VWA8: variants seen among roughly 807,000 people sequenced by gnomAD.
VWA8 encodes the protein von Willebrand factor A domain containing 8, also known as von Willebrand factor A domain-containing protein 8.
A neutral mutation model predicts 241.5 loss-of-function variants in VWA8; 221 were observed. The observed-to-expected ratio is 0.91, with a 90% CI of 0.82 to 1.02. The LOEUF is 1.02. Among genes scored for constraint, VWA8 ranks in the 50% least tolerant of loss-of-function variants. The pLI is 0.00. For synonymous variants in VWA8, 852 were observed against 827.1 expected (o/e 1.03, Z -0.52); for missense variants, 2,322 against 2,328.7 (o/e 1.00, Z 0.06).
In VWA8 at chr13:41,585,412, G is replaced by T. The variant is rs1372200185; in HGVS notation, c.5271+2100C>A. Among the ~76,000 whole-genome samples, 3 of 149,384 alleles carry T rather than the reference G, an allele frequency of 2.0e-5. No individual in the cohort carries two copies. In the East Asian group the frequency reaches 6.1e-4, roughly 30 times the overall value. Reference sequence around the variant, plus strand: ...ACCAATTTGTTGGTTAATTCCTAATGAATTTTCTTTCTAAAAACTTGGGAG... The same window carrying T: ...ACCAATTTGTTGGTTAATTCCTAATTAATTTTCTTTCTAAAAACTTGGGAG... On this transcript the variant is annotated intron_variant, in intron 42 of 44. Coordinates refer to ENST00000379310, the MANE Select transcript of VWA8 (RefSeq NM_015058.2).
intron 4 of VWA8, among the ~76,000 whole-genome samples, chr13:41,900,539 GTATC>G (rs1008927167): frequency 1.5e-4 from 23 of 152,268 alleles, no homozygotes; most frequent in African/African-American, 5.3e-4. Flanking sequence ...AAATCAAAAA[GTATC>G]TAAGTCCCTG....
intron 1 of VWA8, among the ~76,000 whole-genome samples, chr13:41,958,573 G>A (rs184147398): frequency 6.6e-6 from 1 of 152,222 alleles, no homozygotes; most frequent in Non-Finnish European, 1.5e-5. Context: ...TTTTACACTT[G>A]TCCATGTATG....
At chr13:41,895,171 T>C (rs1307092643) in intron 4 of VWA8, among the ~76,000 whole-genome samples, 1 of 152,042 alleles carries the variant, frequency 6.6e-6, no homozygotes, top group Non-Finnish European at 1.5e-5. Flanking sequence ...GCCTACAAGT[T>C]TATAACTGAT....
chr13:41,619,955 G>T (rs1032798154), intron 37 of VWA8, among the ~76,000 whole-genome samples: 2 of 152,122 alleles, frequency 1.3e-5, no homozygotes, highest in Non-Finnish European at 2.9e-5. Context: ...TCTCTGCCAG[G>T]CTTTGGTATC....
At chr13:41,841,282 A>G (rs1313047236) in intron 12 of VWA8, among the ~76,000 whole-genome samples, 2 of 152,218 alleles carry the variant, frequency 1.3e-5, no homozygotes, top group African/African-American at 2.4e-5. Flanking sequence ...TTAACTTCTA[A>G]TAAGTCTCAA....
intron 35 of VWA8, among the ~76,000 whole-genome samples, chr13:41,680,471 A>C (rs1414857000): frequency 2.0e-5 from 3 of 152,178 alleles, no homozygotes; most frequent in African/African-American, 7.2e-5. Context: ...CATTGTCCTA[A>C]GCACTTTATA....
intron 37 of VWA8, among the ~76,000 whole-genome samples, chr13:41,640,962 T>C (rs1025767905): frequency 2.6e-5 from 4 of 151,934 alleles, no homozygotes; most frequent in Non-Finnish European, 5.9e-5. Flanking sequence ...ACGAAGAGGA[T>C]GAGATAAAAA....
intron 37 of VWA8, among the ~76,000 whole-genome samples, chr13:41,623,983 G>T (rs2044673380): frequency 6.6e-6 from 1 of 151,986 alleles, no homozygotes; most frequent in South Asian, 2.1e-4. Flanking sequence ...AATGACAAAG[G>T]TGACATTACC....
rs550394799 is a variant in VWA8, at chr13:41,884,704, A to G, written c.976-1213T>C. Reference sequence around the variant, plus strand: ...CTTTTTTTTACATTTGAGAATTTTCAAAGTAAAATGTTCTAAGCAAAAACA... The same window carrying G: ...CTTTTTTTTACATTTGAGAATTTTCGAAGTAAAATGTTCTAAGCAAAAACA... On this transcript the variant is annotated intron_variant, in intron 8 of 44. Transcript: ENST00000379310. 1.3e-4 allele frequency among the ~76,000 whole-genome samples: 20 copies of G among 152,282 alleles called. No homozygotes were observed. In the South Asian group the frequency reaches 3.7e-3, roughly 28 times the overall value.
At chr13:41,641,551 T>C (rs2139681666) in intron 37 of VWA8, among the ~76,000 whole-genome samples, 1 of 152,268 alleles carries the variant, frequency 6.6e-6, no homozygotes, top group African/African-American at 2.4e-5. Context: ...TCCATATGTG[T>C]ACTGGCTCAG....
chr13:41,610,042 C>G (rs2044577522), intron 39 of VWA8, among the ~76,000 whole-genome samples: 1 of 152,158 alleles, frequency 6.6e-6, no homozygotes, highest in African/African-American at 2.4e-5. Flanking sequence ...ACCTTTCTGC[C>G]TCCCTGTGAA....
intron 2 of VWA8, among the ~76,000 whole-genome samples, chr13:41,921,300 A>G (rs983824485): frequency 6.6e-6 from 1 of 152,208 alleles, no homozygotes; most frequent in Non-Finnish European, 1.5e-5. Flanking sequence ...AAATAATAAG[A>G]GCTTTTTATG....
At position 41,929,151 on chromosome 13, in the gene VWA8, A is replaced by ATTT. The variant is rs367906772; in HGVS notation, c.242-16986_242-16984dup. On this transcript the variant is annotated intron_variant, in intron 2 of 44. Transcript: ENST00000379310. Reference sequence around the variant, plus strand: ...GGAAACATCACACTTCTTGACTTTAATTTTTTTTTTTTTTTTTTTTTTGAG... The same window carrying ATTT: ...GGAAACATCACACTTCTTGACTTTAATTTTTTTTTTTTTTTTTTTTTTTTTGAG... Among the ~76,000 whole-genome samples, 42 of 126,662 alleles carry ATTT rather than the reference A, an allele frequency of 3.3e-4. 1 individual carries two copies. The highest frequency in any genetic ancestry group is 8.0e-4 in the Admixed American group (10 of 12,510). 83.1% of individuals were successfully genotyped at this position (126,662 alleles called of 152,430 possible).
chr13:41,922,532 C>T (rs1003191836), intron 2 of VWA8, among the ~76,000 whole-genome samples: 2 of 152,012 alleles, frequency 1.3e-5, no homozygotes, highest in South Asian at 2.1e-4. Flanking sequence ...TACAATCTAC[C>T]CATCTGACAA....
chr13:41,779,520 G>A (rs1281131645), intron 19 of VWA8, among the ~76,000 whole-genome samples: 2 of 152,066 alleles, frequency 1.3e-5, no homozygotes, highest in East Asian at 3.8e-4. Flanking sequence ...TGGATATAAG[G>A]TGTATGCTTT....
At chr13:41,846,520 G>A (rs1303281054) in intron 12 of VWA8, among the ~76,000 whole-genome samples, 1 of 152,200 alleles carries the variant, frequency 6.6e-6, no homozygotes, top group Middle Eastern at 3.2e-3. Context: ...ATAAATGACA[G>A]CTGAATCTGA....
At chr13:41,641,248 T>C (rs912746095) in intron 37 of VWA8, among the ~76,000 whole-genome samples, 2 of 152,170 alleles carry the variant, frequency 1.3e-5, no homozygotes, top group South Asian at 4.1e-4. Flanking sequence ...GCTGGGAGTG[T>C]TTTCTGGGAG....
At chr13:41,739,828 T>TTTTTTTTTTG (rs1189212035) in intron 21 of VWA8, among the ~76,000 whole-genome samples, 5 of 73,212 alleles carry the variant, frequency 6.8e-5, no homozygotes, top group African/African-American at 4.4e-4. Context: ...TGTTTTTTTG[T>TTTTTTTTTTG]TTTTTTTTTT....
At chr13:41,799,587 AC>A (rs1869855522) in intron 17 of VWA8, among the ~76,000 whole-genome samples, 1 of 151,616 alleles carries the variant, frequency 6.6e-6, no homozygotes. Flanking sequence ...CTTAATTAAA[AC>A]CTCTCCACCT....
Sources: allele counts gnomAD v4.1 joint callset (sites outside exome capture counted in the v4.1 genomes callset), GRCh38; gene constraint gnomAD v4.1.1; transcripts MANE v1.5; gene names NCBI Gene and HGNC (gene_info 2026-07-23, HGNC 2026-07-21).